Variants in YTHDC2 observed in about 807,000 individuals in gnomAD.
YTHDC2 encodes YTH N6-methyladenosine RNA binding protein C2.
Under a neutral mutation model 174.9 loss-of-function variants are expected in YTHDC2, and 45 were observed. The observed-to-expected ratio is 0.26, with a 90% CI of 0.20 to 0.33. The LOEUF (loss-of-function observed/expected upper bound fraction) is 0.33. Among genes scored for constraint, YTHDC2 ranks in the 10% least tolerant of loss-of-function variants. The pLI is 1.00. For synonymous variants in YTHDC2, 657 were observed against 574.5 expected, an observed-to-expected ratio of 1.14 and a Z score of -2.05; for missense variants, 1,650 against 1,723.7, an observed-to-expected ratio of 0.96 and a Z score of 0.76.
chr5:113,557,098 G>A (rs1230374128), intron 17 of YTHDC2, among the ~76,000 whole-genome samples: 1 of 152,160 alleles, frequency 6.6e-6, no homozygotes, highest in African/African-American at 2.4e-5. Context: ...TGACACAAAT[G>A]CATCGAGAAG....
intron 23 of YTHDC2, among the ~76,000 whole-genome samples, chr5:113,578,366 GGTTTT>G (rs113610272): frequency 0.12 from 17,145 of 148,744 alleles, 1,068 homozygotes; most frequent in African/African-American, 0.15. Context: ...TGGCATAGAA[GGTTTT>G]GTTTTGTTTT....
At chr5:113,589,329 TCTTTC>T (rs1405874085) in intron 26 of YTHDC2, among the ~76,000 whole-genome samples, 1 of 150,542 alleles carries the variant, frequency 6.6e-6, no homozygotes, top group African/African-American at 2.4e-5. Context: ...AATCTGCTGT[TCTTTC>T]CTTCTAATGT....
chr5:113,555,560 A>G (rs1776550511), intron 16 of YTHDC2, among the ~76,000 whole-genome samples: 1 of 152,204 alleles, frequency 6.6e-6, no homozygotes, highest in African/African-American at 2.4e-5. Flanking sequence ...CTCAGCAGGA[A>G]GTAAAGTGGA....
At chr5:113,516,664 A>G (rs1472280686) in intron 2 of YTHDC2, among the ~76,000 whole-genome samples, 1 of 152,214 alleles carries the variant, frequency 6.6e-6, no homozygotes, top group African/African-American at 2.4e-5. Context: ...GGAGAGCAAA[A>G]TTGCTCAGGT....
At chr5:113,577,678 A>G (rs1367301984) in intron 23 of YTHDC2, among the ~76,000 whole-genome samples, 1 of 152,124 alleles carries the variant, frequency 6.6e-6, no homozygotes, top group African/African-American at 2.4e-5. Flanking sequence ...CCTCTTTTGT[A>G]TATTAATTTA....
chr5:113,547,737 A>T (rs1775985702), intron 10 of YTHDC2, among the ~76,000 whole-genome samples: 2 of 152,326 alleles, frequency 1.3e-5, no homozygotes, highest in East Asian at 1.9e-4. Flanking sequence ...ATGTATATTG[A>T]TAATGGATAC....
chr5:113,547,257 G>A (rs1180401339), intron 10 of YTHDC2, among the ~76,000 whole-genome samples: 1 of 152,174 alleles, frequency 6.6e-6, no homozygotes, highest in Non-Finnish European at 1.5e-5. Context: ...TGCATACAAT[G>A]AGTACAGATC....
chr5:113,559,386 A>G (rs1223008269), intron 17 of YTHDC2, among the ~76,000 whole-genome samples: 1 of 152,218 alleles, frequency 6.6e-6, no homozygotes, highest in African/African-American at 2.4e-5. Context: ...AGCAACATGA[A>G]TTCTTCTAAA....
chr5:113,526,841 A>ATG (rs1310691004), intron 4 of YTHDC2, 56 bp downstream of exon 4: 19 of 394,338 alleles, frequency 4.8e-5, no homozygotes, highest in Non-Finnish European at 6.2e-5. Flanking sequence ...ATATATATAT[A>ATG]TATATATAGT....
rs537512448 is a variant in YTHDC2, at chr5:113,548,944, A to ATATAT, written c.1623-11_1623-10insTATAT. 4.1e-4 allele frequency: 654 copies of ATATAT among 1,610,764 alleles called. No individual in the cohort carries two copies. Among genetic ancestry groups the ATATAT allele is most frequent in the Admixed American group, 2.3e-3 (138 of 59,438 alleles). ...TTGATGACATCTTATATATCCTTTG[A>ATATAT]ATTTTGGCAGGATGGCATTGGATTG... On this transcript the variant is annotated splice_polypyrimidine_tract_variant and intron_variant, in intron 11 of 29. Coordinates refer to ENST00000161863, the MANE Select transcript of YTHDC2 (RefSeq NM_022828.5).
At chr5:113,587,554 A>G (rs946425027) in intron 26 of YTHDC2, among the ~76,000 whole-genome samples, 1 of 141,642 alleles carries the variant, frequency 7.1e-6, no homozygotes, top group South Asian at 2.1e-4. Flanking sequence ...TATATTGTAC[A>G]TACATAATAT....
At chr5:113,579,992 T>C (rs952509893) in intron 24 of YTHDC2, 40 of 956,074 alleles carry the variant, frequency 4.2e-5, no homozygotes, top group African/African-American at 1.6e-4. Flanking sequence ...TTCTGAAGGA[T>C]CTTAAGTCTG....
intron 10 of YTHDC2, among the ~76,000 whole-genome samples, chr5:113,545,226 C>A (rs1352789305): frequency 2.0e-5 from 3 of 152,122 alleles, no homozygotes; most frequent in African/African-American, 4.8e-5. Context: ...TGTGGTTGTT[C>A]AAGCAGTTAT....
chr5:113,516,863 T>G (rs568449302), intron 2 of YTHDC2, among the ~76,000 whole-genome samples: 1 of 152,338 alleles, frequency 6.6e-6, no homozygotes, highest in Admixed American at 6.5e-5. Context: ...GATAAATTAC[T>G]GAGACACGGG....
chr5:113,558,259 T>A (rs1275779147), intron 17 of YTHDC2, among the ~76,000 whole-genome samples: 1 of 152,140 alleles, frequency 6.6e-6, no homozygotes, highest in Non-Finnish European at 1.5e-5. Flanking sequence ...CTCTCTTTTT[T>A]AAAAAAATAA....
rs371658747 is a variant in YTHDC2, at chr5:113,585,972, C to G, written c.3825+1493C>G. Among the ~76,000 whole-genome samples the G allele has an allele frequency of 9.5e-4, 145 of 152,104 alleles. 4 individuals are homozygous for G. The highest frequency in any genetic ancestry group is 3.3e-3 in the African/African-American group (135 of 41,518). Reference sequence around the variant, plus strand: ...CATTGTACTAACTGGTACTAACATTCAAGTAAAATCTTTGTGTCTAAATAT... The same window carrying G: ...CATTGTACTAACTGGTACTAACATTGAAGTAAAATCTTTGTGTCTAAATAT... On this transcript the variant is annotated intron_variant, in intron 26 of 29. Transcript: ENST00000161863.
At chr5:113,590,998 A>C in intron 26 of YTHDC2, 43 bp from the exon 27 acceptor site, 1 of 1,555,786 alleles carries the variant, frequency 6.4e-7, no homozygotes, top group Non-Finnish European at 8.7e-7. Context: ...CTTGGTTTTG[A>C]AAGGTCAGGT....
At position 113,544,461 on chromosome 5, in the gene YTHDC2, T is replaced by A. The variant is rs116610548; in HGVS notation, c.1495+1958T>A. ...ACCACACCCAGCCCAAATAATGATA[T>A]TACTTTTAAGCATCTTTACCACATG... On this transcript the variant is annotated intron_variant, in intron 10 of 29. Transcript: ENST00000161863. 8.1e-3 allele frequency among the ~76,000 whole-genome samples: 1,233 copies of A among 152,274 alleles called. 19 individuals are homozygous for A. Among genetic ancestry groups the A allele is most frequent in the African/African-American group, 0.029 (1,190 of 41,560 alleles).
Position 113,591,200 on chromosome 5 carries a change from A to T in YTHDC2, c.3985A>T (p.Ile1329Leu). The T allele has an allele frequency of 1.9e-6, 3 of 1,613,958 alleles. No individual in the cohort carries two copies. Among genetic ancestry groups the T allele is most frequent in the Non-Finnish European group, 2.5e-6 (3 of 1,179,882 alleles). ...KLNRAFWESSIVYLVFSVQGS... is the reference protein window; with the variant it reads ...KLNRAFWESSLVYLVFSVQGS... ...AAATCGAGCCTTTTGGGAAAGCAGC[A>T]TAGTTTACTTGGTATTTTCTGTTCA... The change falls in exon 27 of 30, where the codon ATA (isoleucine) becomes TTA (leucine). Residue 1329 changes from isoleucine to leucine, a missense_variant. Physicochemically the swap from Ile to Leu is conservative, Grantham distance 5. Around this residue, in one of 5 missense-constraint regions of YTHDC2, gnomAD observed 913 missense variants for 940.4 expected, o/e 0.97. Coordinates refer to ENST00000161863, the MANE Select transcript of YTHDC2 (RefSeq NM_022828.5).
Sources: allele counts gnomAD v4.1 joint callset (sites outside exome capture counted in the v4.1 genomes callset), GRCh38; gene constraint gnomAD v4.1.1; regional missense constraint gnomAD v4.1.1; transcripts MANE v1.5; gene names NCBI Gene and HGNC (gene_info 2026-07-23, HGNC 2026-07-21).